WARS1: variants seen among roughly 807,000 people sequenced by gnomAD.
The protein encoded by WARS1 is tryptophanyl-tRNA synthetase 1, also known as tryptophan--tRNA ligase, cytoplasmic.
WARS1 carries 17 observed loss-of-function variants against 47.8 expected under a neutral mutation model. That is an observed-to-expected ratio of 0.36 (90% CI 0.24 to 0.53). The LOEUF (loss-of-function observed/expected upper bound fraction) is 0.53. Ranked by LOEUF, WARS1 falls within the 20% of genes least tolerant of loss-of-function variation. The probability of loss-of-function intolerance (pLI) is 0.91; values close to 1 mark genes in which losing one functional copy is unlikely to be tolerated. For synonymous variants in WARS1, 208 were observed against 228.1 expected (o/e 0.91, Z 0.79); for missense variants, 434 against 608.0 (o/e 0.71, Z 3.01).
chr14:100,344,603 T>A (rs1204652886), intron 7 of WARS1, among the ~76,000 whole-genome samples: 1 of 146,176 alleles, frequency 6.8e-6, no homozygotes, highest in Non-Finnish European at 1.5e-5. Flanking sequence ...GTGAGGAGCG[T>A]CTCTGCCCGG....
At chr14:100,352,037 T>G (rs1028136116) in intron 6 of WARS1, among the ~76,000 whole-genome samples, 1 of 150,360 alleles carries the variant, frequency 6.7e-6, no homozygotes, top group Admixed American at 6.6e-5. Context: ...TACTGGCTGA[T>G]AGAAGGGCGA....
chr14:100,355,055 A>G (rs1895226123), intron 4 of WARS1, among the ~76,000 whole-genome samples: 1 of 152,116 alleles, frequency 6.6e-6, no homozygotes, highest in African/African-American at 2.4e-5. Flanking sequence ...TTGGAGATCT[A>G]TCTGGGCCCC....
At chr14:100,362,450 T>G (rs762490953) in intron 2 of WARS1, among the ~76,000 whole-genome samples, 4 of 152,016 alleles carry the variant, frequency 2.6e-5, no homozygotes, top group African/African-American at 7.3e-5. Context: ...ACAAAAAATG[T>G]AGGCTCTCAG....
chr14:100,346,518 T>A (rs1381827997), intron 7 of WARS1, among the ~76,000 whole-genome samples: 1 of 152,152 alleles, frequency 6.6e-6, no homozygotes, highest in Non-Finnish European at 1.5e-5. Context: ...CAGACTCACA[T>A]CCTGAAGTGC....
At chr14:100,340,945 C>T (rs1464458716) in intron 9 of WARS1, among the ~76,000 whole-genome samples, 1 of 142,140 alleles carries the variant, frequency 7.0e-6, no homozygotes, top group Non-Finnish European at 1.5e-5. Flanking sequence ...GCTGGAGTCT[C>T]ACTCTGTTGC....
Position 100,339,757 on chromosome 14 carries a change from T to C in WARS1, c.1114-2555A>G, listed in dbSNP as rs540496400. ...TGGCCATAGCCCTCCCTGCTGGGCCTTGGGGAAGAAGCTTCAGTGTCAGGA... is the reference window on the plus strand; with the variant it reads ...TGGCCATAGCCCTCCCTGCTGGGCCCTGGGGAAGAAGCTTCAGTGTCAGGA... On this transcript the variant is annotated intron_variant, in intron 9 of 10. Transcript: ENST00000392882. 5.9e-5 allele frequency: 9 copies of C among 152,294 alleles called. No homozygotes were observed. In the South Asian group the frequency reaches 1.5e-3, roughly 25 times the overall value. The allele number at this position is 152,294 out of a possible 1,614,324, so 9.4% of individuals were successfully genotyped here.
At chr14:100,340,156 T>A (rs1040733159) in intron 9 of WARS1, 2 of 152,196 alleles carry the variant, frequency 1.3e-5, no homozygotes, top group African/African-American at 4.8e-5. Flanking sequence ...ACCAGGCTTC[T>A]GGGTGGAGCT....
rs143346362 is a variant in WARS1 at position 100,339,458 on chromosome 14, T to C, written c.1114-2256A>G. 6.6e-3 allele frequency among the ~76,000 whole-genome samples: 998 copies of C among 151,850 alleles called. 13 individuals are homozygous for C. Among genetic ancestry groups the C allele is most frequent in the African/African-American group, 0.021 (876 of 41,432 alleles). On this transcript the variant is annotated intron_variant, in intron 9 of 10. Coordinates refer to ENST00000392882, the MANE Select transcript of WARS1 (RefSeq NM_004184.4). Reference sequence around the variant, plus strand: ...ACAAAAAATTAGCTGGGTGTGGTGGTGGGCGCCTGTAGGCCCAGCTACTCG... The same window carrying C: ...ACAAAAAATTAGCTGGGTGTGGTGGCGGGCGCCTGTAGGCCCAGCTACTCG...
Position 100,344,910 on chromosome 14 carries a change from G to A in WARS1, c.827-1523C>T, listed in dbSNP as rs1298410599. On this transcript the variant is annotated intron_variant, in intron 7 of 10. Transcript: ENST00000392882. ...GCAGCCACCCCGTCTGGGAAGTGAG[G>A]AGCGTCTCCGCCCAGCAGCCACCCC... 1.1e-4 allele frequency among the ~76,000 whole-genome samples: 17 copies of A among 150,292 alleles called. No homozygotes were observed. In the East Asian group the frequency reaches 3.5e-3, roughly 31 times the overall value.
chr14:100,339,479 A>G (rs1055243952), intron 9 of WARS1, among the ~76,000 whole-genome samples: 4 of 150,146 alleles, frequency 2.7e-5, no homozygotes, highest in African/African-American at 9.8e-5. Flanking sequence ...AGGCCCAGCT[A>G]CTCGGGAGCC....
chr14:100,368,885 C>T (rs1414915336), intron 2 of WARS1, among the ~76,000 whole-genome samples: 3 of 152,152 alleles, frequency 2.0e-5, no homozygotes, highest in Admixed American at 6.5e-5. Flanking sequence ...CACTTGAACC[C>T]GGGAGGCAGA....
chr14:100,364,397 C>T (rs937647062), intron 2 of WARS1, among the ~76,000 whole-genome samples: 6 of 152,160 alleles, frequency 3.9e-5, no homozygotes, highest in Admixed American at 3.9e-4. Flanking sequence ...GCAGAAAAGA[C>T]CTTCAAGGTC....
rs772276569 is a variant in WARS1 at position 100,343,433 on chromosome 14, TCTG to T, written c.827-49_827-47del. On this transcript the variant is annotated intron_variant, in intron 7 of 10. Coordinates refer to ENST00000392882, the MANE Select transcript of WARS1 (RefSeq NM_004184.4). ...TTTTACACGTGAGATGAGTTCCTGT[TCTG>T]CTTAGTTAATAAAGGAATGAACAAA... The T allele has an allele frequency of 2.1e-6, 3 of 1,411,832 alleles. No homozygotes were observed. In the South Asian group the frequency reaches 3.7e-5, roughly 18 times the overall value. The allele number at this position is 1,411,832 out of a possible 1,614,324, so 87.5% of individuals were successfully genotyped here.
chr14:100,368,598 A>G, intron 2 of WARS1: 1 of 417,676 alleles, frequency 2.4e-6, no homozygotes, highest in Non-Finnish European at 4.8e-6. Flanking sequence ...GTATTTCACA[A>G]AGGCTTTGAG....
At chr14:100,343,870 T>C (rs971694271) in intron 7 of WARS1, among the ~76,000 whole-genome samples, 6 of 152,198 alleles carry the variant, frequency 3.9e-5, no homozygotes, top group African/African-American at 1.4e-4. Context: ...CTTGACCTCG[T>C]GATCTGCCCA....
chr14:100,353,976 C>G (rs937954309), intron 5 of WARS1, 107 bp from the exon 6 acceptor site: 5 of 1,008,354 alleles, frequency 5.0e-6, no homozygotes, highest in African/African-American at 1.6e-5. Context: ...TTAAAACTTC[C>G]TTGCCTACAA....
intron 6 of WARS1, among the ~76,000 whole-genome samples, chr14:100,350,704 G>C (rs1451198160): frequency 6.6e-6 from 1 of 152,144 alleles, no homozygotes; most frequent in Non-Finnish European, 1.5e-5. Flanking sequence ...TGTGTCTGTG[G>C]GGCCCAGGAG....
chr14:100,369,383 G>A (rs2140086691), intron 1 of WARS1, 125 bp from the exon 2 acceptor site: 1 of 278,104 alleles, frequency 3.6e-6, no homozygotes, highest in Non-Finnish European at 6.7e-6. Flanking sequence ...TACAGTAAAG[G>A]ACATAGATAA....
At chr14:100,344,734 C>T (rs573950089) in intron 7 of WARS1, among the ~76,000 whole-genome samples, 20 of 151,758 alleles carry the variant, frequency 1.3e-4, no homozygotes, top group Admixed American at 6.5e-4. Flanking sequence ...TCTGCCCCGC[C>T]GCCCCGTCTG....
Sources: allele counts gnomAD v4.1 joint callset (sites outside exome capture counted in the v4.1 genomes callset), GRCh38; gene constraint gnomAD v4.1.1; transcripts MANE v1.5; gene names NCBI Gene and HGNC (gene_info 2026-07-23, HGNC 2026-07-21).